Variants in LAMP5 observed in about 807,000 individuals in gnomAD.
LAMP5 encodes lysosome associated membrane protein 5.
A neutral mutation model predicts 30.2 loss-of-function variants in LAMP5; 36 were observed. That is an observed-to-expected ratio of 1.19 (90% CI 0.91 to 1.57). The LOEUF (loss-of-function observed/expected upper bound fraction) is 1.57, where lower values mean the gene tolerates loss of function less well. Among genes scored for constraint, LAMP5 ranks in the 40% most tolerant of loss-of-function variants. LAMP5 has a pLI of 0.00. For missense variants in LAMP5, 377 were observed against 354.9 expected (o/e 1.06, Z -0.50); for synonymous variants, 149 against 134.6 (o/e 1.11, Z -0.74).
rs143054719 is a variant in LAMP5, at chr20:9,521,390, C to T, written c.664+3162C>T. Among the ~76,000 whole-genome samples the T allele has an allele frequency of 8.5e-5, 13 of 152,294 alleles. No homozygotes were observed. The East Asian group carries it at 2.5e-3, about 29-fold the overall frequency. The stretch of plus-strand genomic sequence containing the variant: ...AGGAGTATGCAAAGCAGGCAGGCTC[C>T]ATACAGCTGCAAATTTTCTTGTTTA... On this transcript the variant is annotated intron_variant, in intron 5 of 5. Coordinates refer to ENST00000246070, the MANE Select transcript of LAMP5 (RefSeq NM_012261.4).
chr20:9,520,065 G>T (rs1364970361), intron 5 of LAMP5, among the ~76,000 whole-genome samples: 2 of 152,172 alleles, frequency 1.3e-5, no homozygotes, highest in Non-Finnish European at 2.9e-5. Context: ...AACCAATTTT[G>T]ATCCACTTAA....
chr20:9,515,029 C>A, intron 1 of LAMP5, 113 bp downstream of exon 1: 2 of 1,014,354 alleles, frequency 2.0e-6, no homozygotes, highest in South Asian at 2.9e-5. Context: ...TAATGTTTTG[C>A]GGTGTTTTTT....
chr20:9,527,897 T>C (rs570648234), intron 5 of LAMP5, among the ~76,000 whole-genome samples: 303 of 152,344 alleles, frequency 2.0e-3, no homozygotes, highest in Middle Eastern at 6.8e-3. Context: ...ACATTTGTGT[T>C]CTTGATCTAG....
chr20:9,529,883 G>T lies in LAMP5; in HGVS notation c.*63G>T. Reference sequence around the variant, plus strand: ...AACTGGATCAGGTAGAACAACAAAAGCACTTTTCCATCTTGTACACGAGAT... The same window carrying T: ...AACTGGATCAGGTAGAACAACAAAATCACTTTTCCATCTTGTACACGAGAT... On this transcript the variant is annotated 3_prime_UTR_variant, in exon 6 of 6. Coordinates refer to ENST00000246070, the MANE Select transcript of LAMP5 (RefSeq NM_012261.4). 1 of 1,528,118 alleles carries T rather than the reference G, an allele frequency of 6.5e-7. No homozygotes were observed. The highest frequency in any genetic ancestry group is 9.0e-7 in the Non-Finnish European group (1 of 1,112,322). 94.7% of individuals were successfully genotyped at this position (1,528,118 alleles called of 1,614,324 possible).
At chr20:9,521,961 A>C (rs2122839404) in intron 5 of LAMP5, among the ~76,000 whole-genome samples, 1 of 152,330 alleles carries the variant, frequency 6.6e-6, no homozygotes. Flanking sequence ...ATAACAAAAC[A>C]AAACAAAACA....
In LAMP5 at chr20:9,514,592, ATTGCT is replaced by A. The variant is rs2045019383; in HGVS notation, c.-258_-254del. 1 of 526,934 alleles carries A rather than the reference ATTGCT, an allele frequency of 1.9e-6. No individual in the cohort carries two copies. Among genetic ancestry groups the A allele is most frequent in the Non-Finnish European group, 3.4e-6 (1 of 295,262 alleles). The allele number at this position is 526,934 out of a possible 1,614,324, so 32.6% of individuals were successfully genotyped here. On this transcript the variant is annotated 5_prime_UTR_variant, in exon 1 of 6. Transcript: ENST00000246070. The stretch of plus-strand genomic sequence containing the variant: ...ACAGCCACTCCTGCCACACAATCGG[ATTGCT>A]TTCAGCACTCGCAGCCGTGGACCGC...
chr20:9,519,485 G>A (rs2045065556), intron 5 of LAMP5, among the ~76,000 whole-genome samples: 1 of 152,190 alleles, frequency 6.6e-6, no homozygotes, highest in African/African-American at 2.4e-5. Context: ...ACAGGTGGAA[G>A]GATAGGCTAT....
chr20:9,516,484 T>G (rs888030763), intron 4 of LAMP5, 123 bp downstream of exon 4: 1 of 809,890 alleles, frequency 1.2e-6, no homozygotes, highest in Non-Finnish European at 2.0e-6. Flanking sequence ...AAGTCTTCCC[T>G]CGGCTTGCTC....
At chr20:9,520,786 G>A (rs1240429415) in intron 5 of LAMP5, among the ~76,000 whole-genome samples, 1 of 152,106 alleles carries the variant, frequency 6.6e-6, no homozygotes, top group African/African-American at 2.4e-5. Context: ...CACTCACAAG[G>A]GCTGAGAGCA....
chr20:9,519,014 G>A (rs2045062168), intron 5 of LAMP5, among the ~76,000 whole-genome samples: 1 of 152,178 alleles, frequency 6.6e-6, no homozygotes, highest in Non-Finnish European at 1.5e-5. Context: ...GCTGTGCTGT[G>A]GCAGGTTCAG....
chr20:9,518,159 G>A lies in LAMP5; in HGVS notation c.595G>A (p.Val199Ile). ...SLASSDPQKT[V>I]TMILSAVHIQ... ...GGCCTCTAGTGATCCGCAGAAGACG[G>A]TCACCATGATCCTGTCTGCGGTCCA... The change falls in exon 5 of 6, where the codon GTC (valine) becomes ATC (isoleucine). Residue 199 changes from valine to isoleucine, a missense_variant. By Grantham distance (29) the Val-to-Ile change is conservative. Transcript: ENST00000246070. The A allele has an allele frequency of 6.2e-7, 1 of 1,614,184 alleles. No homozygotes were observed. Among genetic ancestry groups the A allele is most frequent in the Non-Finnish European group, 8.5e-7 (1 of 1,180,014 alleles).
intron 5 of LAMP5, among the ~76,000 whole-genome samples, chr20:9,518,960 G>A (rs1033914677): frequency 6.6e-6 from 1 of 152,236 alleles, no homozygotes; most frequent in Non-Finnish European, 1.5e-5. Flanking sequence ...TGAGTGTGGA[G>A]CAAGGCTGTC....
chr20:9,525,171 T>A (rs1026772913), intron 5 of LAMP5, among the ~76,000 whole-genome samples: 1 of 152,224 alleles, frequency 6.6e-6, no homozygotes, highest in African/African-American at 2.4e-5. Context: ...TACTATATCA[T>A]CTTTTCTCTA....
rs756762949 is a variant in LAMP5, at chr20:9,518,024, T to C, written c.476-16T>C. The C allele has an allele frequency of 1.6e-6, 2 of 1,212,368 alleles. No individual in the cohort carries two copies. The highest frequency in any genetic ancestry group is 5.9e-5 in the African/African-American group (2 of 33,670). The allele number at this position is 1,212,368 out of a possible 1,614,324, so 75.1% of individuals were successfully genotyped here. On this transcript the variant is annotated splice_polypyrimidine_tract_variant and intron_variant, in intron 4 of 5. Coordinates refer to ENST00000246070, the MANE Select transcript of LAMP5 (RefSeq NM_012261.4). ...ACAATGAGGGTTCTAACTATTGCTC[T>C]GGGCTCTTGCTGTAGCTGGGAAGCA...
Position 9,517,817 on chromosome 20 carries a change from A to G in LAMP5, c.476-223A>G, listed in dbSNP as rs187143798. On this transcript the variant is annotated intron_variant, in intron 4 of 5. Coordinates refer to ENST00000246070, the MANE Select transcript of LAMP5 (RefSeq NM_012261.4). ...TAAGTATCATTCTCCTCTTCAAAAAAGGAGTTCCAAATTAATATTGAAAGA... is the reference window on the plus strand; with the variant it reads ...TAAGTATCATTCTCCTCTTCAAAAAGGGAGTTCCAAATTAATATTGAAAGA... Among the ~76,000 whole-genome samples, 279 of 152,318 alleles carry G rather than the reference A, an allele frequency of 1.8e-3. No homozygotes were observed. Among genetic ancestry groups the G allele is most frequent in the Middle Eastern group, 6.8e-3 (2 of 294 alleles).
At chr20:9,517,014 T>G (rs2045045435) in intron 4 of LAMP5, among the ~76,000 whole-genome samples, 2 of 152,200 alleles carry the variant, frequency 1.3e-5, no homozygotes, top group South Asian at 4.1e-4. Context: ...CATTTAAATT[T>G]ATTTTATTCT....
chr20:9,519,292 A>G (rs557375937), intron 5 of LAMP5, among the ~76,000 whole-genome samples: 2 of 152,342 alleles, frequency 1.3e-5, no homozygotes, highest in East Asian at 3.9e-4. Context: ...GAATACAACA[A>G]TGCCAATGTT....
rs2045039569 is a variant in LAMP5 at position 9,516,326 on chromosome 20, C to T, written c.440C>T (p.Ser147Phe). 1.2e-6 allele frequency: 2 copies of T among 1,614,146 alleles called. No individual in the cohort carries two copies. Among genetic ancestry groups the T allele is most frequent in the Non-Finnish European group, 1.7e-6 (2 of 1,180,020 alleles). The change falls in exon 4 of 6, where the codon TCC becomes TTC. Residue 147 changes from serine to phenylalanine, a missense_variant. Ser to Phe is a radical substitution (Grantham distance 155, BLOSUM62 -2). Transcript: ENST00000246070. The stretch of plus-strand genomic sequence containing the variant: ...AGCAAAGTGCAGTTTGTCTACGACT[C>T]CTCGGAGAAAACCCACTTCAAAGAC... ...RLSKVQFVYD[S>F]SEKTHFKDAV...
rs371063794 is a variant in LAMP5 at position 9,529,788 on chromosome 20, C to T, written c.811C>T (p.Arg271Trp). ...GACTGCCAACCAGGTGCAGATCCCT[C>T]GGGACAGATCCCAGTATAAGCACAT... Reference protein sequence around the residue: ...KMTANQVQIPRDRSQYKHMG With the variant: ...KMTANQVQIPWDRSQYKHMG The change falls in exon 6 of 6, where the codon CGG (arginine) becomes TGG (tryptophan). Residue 271 changes from arginine (R) to tryptophan (W), a missense_variant. By Grantham distance (101) the Arg-to-Trp change is moderately radical (BLOSUM62 -3). Coordinates refer to ENST00000246070, the MANE Select transcript of LAMP5 (RefSeq NM_012261.4). 1.2e-4 allele frequency: 194 copies of T among 1,614,188 alleles called. No individual in the cohort carries two copies. The highest frequency in any genetic ancestry group is 4.9e-4 in the Middle Eastern group (3 of 6,062).
Sources: allele counts gnomAD v4.1 joint callset (sites outside exome capture counted in the v4.1 genomes callset), GRCh38; gene constraint gnomAD v4.1.1; transcripts MANE v1.5; gene names NCBI Gene and HGNC (gene_info 2026-07-23, HGNC 2026-07-21).